Variants in AP5Z1 observed in about 807,000 individuals in gnomAD.
AP5Z1 encodes adaptor related protein complex 5 subunit zeta 1.
AP5Z1 carries 106 observed loss-of-function variants against 83.0 expected under a neutral mutation model. The ratio of observed to expected loss-of-function variants is 1.28; its 90% CI spans 1.09 to 1.50. The LOEUF (loss-of-function observed/expected upper bound fraction) is 1.50. Ranked by LOEUF, AP5Z1 falls within the 40% of genes most tolerant of loss-of-function variation. The probability of loss-of-function intolerance (pLI) is 0.00; values close to 1 mark genes in which losing one functional copy is unlikely to be tolerated. For synonymous variants in AP5Z1, 751 were observed against 514.1 expected (o/e 1.46, Z -6.23); for missense variants, 1,565 against 1,094.2 (o/e 1.43, Z -6.07).
At chr7:4,790,392 C>CT in intron 14 of AP5Z1, 67 bp from the exon 15 acceptor site, 1 of 1,609,216 alleles carries the variant, frequency 6.2e-7, no homozygotes, top group Non-Finnish European at 8.5e-7. Flanking sequence ...TCTCCAGGCC[C>CT]TTGGCCTGGA....
At position 4,790,865 on chromosome 7, in the gene AP5Z1, C is replaced by A. The variant is rs113184057; in HGVS notation, c.2131C>A (p.Arg711=). The change falls in exon 16 of 17, where the codon CGG becomes AGG. Residue 711 remains arginine, a synonymous_variant. Coordinates refer to ENST00000649063, the MANE Select transcript of AP5Z1 (RefSeq NM_014855.3). ...GACCACGCTGACGAAGCTGGCCTCCCGGAGCCAAGATCTGATCCCCAGGTG... is the reference window on the plus strand; with the variant it reads ...GACCACGCTGACGAAGCTGGCCTCCAGGAGCCAAGATCTGATCCCCAGGTG... ...LMTTLTKLAS[R]SQDLIPRASL... The A allele has an allele frequency of 3.7e-6, 6 of 1,605,612 alleles. No individual in the cohort carries two copies. The highest frequency in any genetic ancestry group is 5.1e-6 in the Non-Finnish European group (6 of 1,177,278).
At chr7:4,787,800 C>T (rs191109666) in intron 11 of AP5Z1, 24 bp downstream of exon 11, 756 of 1,511,552 alleles carry the variant, frequency 5.0e-4, no homozygotes, top group Admixed American at 6.0e-4. Context: ...CCTCTGCCAG[C>T]GCTGCGTCTC....
Position 4,775,738 on chromosome 7 carries a change from G to A in AP5Z1, c.23G>A (p.Ser8Asn), listed in dbSNP as rs1781206952. ...GTGATGTTCTCGGCAGGAGCGGAGAGTTTGCTCCACCAGGCCAGGTACGGG... is the reference window on the plus strand; with the variant it reads ...GTGATGTTCTCGGCAGGAGCGGAGAATTTGCTCCACCAGGCCAGGTACGGG... MFSAGAESLLHQAREIQD... is the reference protein window; with the variant it reads MFSAGAENLLHQAREIQD... The change falls in exon 1 of 17, where the codon AGT (serine) becomes AAT (asparagine). Residue 8 changes from serine to asparagine, a missense_variant. Ser to Asn is a conservative substitution (Grantham distance 46, BLOSUM62 1). Coordinates refer to ENST00000649063, the MANE Select transcript of AP5Z1 (RefSeq NM_014855.3). The A allele has an allele frequency of 6.2e-7, 1 of 1,605,948 alleles. No individual in the cohort carries two copies. Among genetic ancestry groups the A allele is most frequent in the Non-Finnish European group, 8.5e-7 (1 of 1,179,706 alleles).
chr7:4,785,162 G>T (rs1315660190), intron 7 of AP5Z1, 114 bp downstream of exon 7: 19 of 1,474,700 alleles, frequency 1.3e-5, no homozygotes, highest in Non-Finnish European at 1.5e-5. Flanking sequence ...GGGGGTCCCT[G>T]GGTAGCCGGT....
At position 4,784,283 on chromosome 7, in the gene AP5Z1, C is replaced by T. The variant is rs370728528; in HGVS notation, c.702C>T (p.Asp234=). 4.6e-5 allele frequency: 74 copies of T among 1,602,250 alleles called. No homozygotes were observed. Among genetic ancestry groups the T allele is most frequent in the South Asian group, 5.6e-5 (5 of 88,934 alleles). ...TVLSSGHRFT[D]DQWLNVQAFS... is the part of the protein sequence containing the mutation. Reference sequence around the variant, plus strand: ...TCTCCAGCGGCCACCGCTTCACAGACGACCAGTGGCTGAACGTGCAGGCCT... The same window carrying T: ...TCTCCAGCGGCCACCGCTTCACAGATGACCAGTGGCTGAACGTGCAGGCCT... The change falls in exon 6 of 17, where the codon GAC becomes GAT. Residue 234 remains aspartate, a synonymous_variant. Transcript: ENST00000649063.
chr7:4,776,314 A>T lies in AP5Z1; in HGVS notation c.41+558A>T, dbSNP rs1781223880. Among the ~76,000 whole-genome samples the T allele has an allele frequency of 2.0e-5, 3 of 151,730 alleles. No homozygotes were observed. The South Asian group carries it at 6.2e-4, about 31-fold the overall frequency. On this transcript the variant is annotated intron_variant, in intron 1 of 16. Transcript: ENST00000649063. The stretch of plus-strand genomic sequence containing the variant: ...TCTGGACTCCCAGTAACGAGTGAGT[A>T]GCTCCTTCCTCACCAACTAACCAGT...
intron 14 of AP5Z1, 102 bp from the exon 15 acceptor site, chr7:4,790,357 C>T (rs1364217472): frequency 1.3e-6 from 2 of 1,578,146 alleles, no homozygotes; most frequent in South Asian, 1.1e-5. Context: ...CAGCATACAC[C>T]TACCACTCAG....
chr7:4,783,276 ACAGGCCAGTACCC>A (rs781725070), intron 3 of AP5Z1, 27 bp from the exon 4 acceptor site: 1 of 1,537,850 alleles, frequency 6.5e-7, no homozygotes, highest in Non-Finnish European at 8.8e-7. Context: ...GGTCTCTGGC[ACAGGCCAGTACCC>A]CAGCGTTTGC....
chr7:4,787,435 A>G (rs769142376), intron 10 of AP5Z1, among the ~76,000 whole-genome samples, 199 bp from the exon 11 acceptor site: 8 of 152,072 alleles, frequency 5.3e-5, no homozygotes, highest in South Asian at 2.1e-4. Flanking sequence ...GCAGTGAGCT[A>G]TGATTGCACC....
chr7:4,783,702 G>A lies in AP5Z1; in HGVS notation c.525G>A (p.Leu175=). ...CACCCACTGCAGACCAGGCCACCCT[G>A]CTCAGCAAGCGGCTGGTCGACTGGC... ...PGTLQEDQAT[L]LSKRLVDWLR... The change falls in exon 5 of 17, where the codon CTG becomes CTA. Residue 175 remains leucine (L), a synonymous_variant. Coordinates refer to ENST00000649063, the MANE Select transcript of AP5Z1 (RefSeq NM_014855.3). 6.4e-7 allele frequency: 1 copy of A among 1,550,624 alleles called. No individual in the cohort carries two copies. Among genetic ancestry groups the A allele is most frequent in the South Asian group, 1.2e-5 (1 of 84,050 alleles).
At position 4,788,249 on chromosome 7, in the gene AP5Z1, T is replaced by A. The variant is rs1562411540; in HGVS notation, c.1550T>A (p.Leu517His). Residue 517 changes from leucine (L) to histidine (H), a missense_variant, in exon 12 of 17, where the codon CTT (leucine) becomes CAT (histidine). Leu to His is a moderately conservative substitution (Grantham distance 99, BLOSUM62 -3). Transcript: ENST00000649063. ...EAFRDPQFQGLFQYLLRPKAS... is the reference protein window; with the variant it reads ...EAFRDPQFQGHFQYLLRPKAS... Reference sequence around the variant, plus strand: ...TTCCGGGACCCGCAGTTCCAGGGTCTTTTCCAATACCTGCTGCGCCCCAAG... The same window carrying A: ...TTCCGGGACCCGCAGTTCCAGGGTCATTTCCAATACCTGCTGCGCCCCAAG... The A allele has an allele frequency of 1.9e-6, 3 of 1,587,278 alleles. No homozygotes were observed.
At chr7:4,784,719 C>T (rs1781484589) in intron 6 of AP5Z1, among the ~76,000 whole-genome samples, 189 bp from the exon 7 acceptor site, 8 of 152,224 alleles carry the variant, frequency 5.3e-5, no homozygotes, top group Admixed American at 5.2e-4. Context: ...GAAGAAGCCT[C>T]AGCCACCCTG....
chr7:4,788,046 C>T (rs896531146), intron 11 of AP5Z1, 108 bp from the exon 12 acceptor site: 4 of 1,422,726 alleles, frequency 2.8e-6, no homozygotes, highest in Admixed American at 2.8e-5. Context: ...CTTCCTGGCA[C>T]CCGAGGTGCT....
Position 4,784,254 on chromosome 7 carries a change from G to T in AP5Z1, c.673G>T (p.Val225Leu), listed in dbSNP as rs1218720956. 6.3e-7 allele frequency: 1 copy of T among 1,597,180 alleles called. No individual in the cohort carries two copies. The highest frequency in any genetic ancestry group is 8.5e-7 in the Non-Finnish European group (1 of 1,173,306). ...GGCGGTAGCCACAGACTTCTTCACG[G>T]TGCTCTCCAGCGGCCACCGCTTCAC... ...DGAVATDFFT[V>L]LSSGHRFTDD... Residue 225 changes from valine to leucine, a missense_variant, in exon 6 of 17, where the codon GTG becomes TTG. Val to Leu is a conservative substitution (Grantham distance 32). Coordinates refer to ENST00000649063, the MANE Select transcript of AP5Z1 (RefSeq NM_014855.3).
At chr7:4,783,953 A>G (rs1316972885) in intron 5 of AP5Z1, among the ~76,000 whole-genome samples, 155 bp downstream of exon 5, 2 of 152,112 alleles carry the variant, frequency 1.3e-5, no homozygotes, top group Non-Finnish European at 2.9e-5. Flanking sequence ...GCAGGGCCAC[A>G]GCCCCCTGAC....
At chr7:4,781,019 G>A (rs370965752) in intron 1 of AP5Z1, among the ~76,000 whole-genome samples, 156 bp from the exon 2 acceptor site, 13 of 152,286 alleles carry the variant, frequency 8.5e-5, no homozygotes, top group African/African-American at 2.6e-4. Flanking sequence ...GGGAATCAGC[G>A]AATTTATCTC....
At chr7:4,790,252 C>G in intron 14 of AP5Z1, 1 of 1,546,158 alleles carries the variant, frequency 6.5e-7, no homozygotes, top group Non-Finnish European at 8.7e-7. Flanking sequence ...CCACTCTGAG[C>G]CTGGGCCTGA....
At position 4,781,710 on chromosome 7, in the gene AP5Z1, A is replaced by G; in HGVS notation, c.322A>G (p.Asn108Asp). 3 of 1,584,170 alleles carry G rather than the reference A, an allele frequency of 1.9e-6. No homozygotes were observed. The highest frequency in any genetic ancestry group is 2.6e-6 in the Non-Finnish European group (3 of 1,156,476). Residue 108 changes from asparagine (N) to aspartate (D), a missense_variant, in exon 3 of 17, where the codon AAC becomes GAC. By Grantham distance (23) the Asn-to-Asp change is conservative. Coordinates refer to ENST00000649063, the MANE Select transcript of AP5Z1 (RefSeq NM_014855.3). ...SLSLAWDHTQ[N>D]SRQLSLVASV... ...CAGCCTGGCCTGGGACCACACGCAG[A>G]ACAGCCGGCAGCTGAGCCTGGTGGC...
intron 6 of AP5Z1, 99 bp from the exon 7 acceptor site, chr7:4,784,809 G>T: frequency 6.9e-7 from 1 of 1,445,578 alleles, no homozygotes; most frequent in South Asian, 1.4e-5. Context: ...GGGAGGGGCT[G>T]CGGCCTGTGC....
Sources: allele counts gnomAD v4.1 joint callset (sites outside exome capture counted in the v4.1 genomes callset), GRCh38; gene constraint gnomAD v4.1.1; transcripts MANE v1.5; gene names NCBI Gene and HGNC (gene_info 2026-07-23, HGNC 2026-07-21).